Variants in CD36 observed in about 807,000 individuals in gnomAD.
CD36 encodes platelet glycoprotein 4.
A neutral mutation model predicts 55.2 loss-of-function variants in CD36; 119 were observed. The ratio of observed to expected loss-of-function variants is 2.15; its 90% confidence interval spans 1.86 to 2.51. The LOEUF (loss-of-function observed/expected upper bound fraction) is 2.51. CD36 is among the 30% of genes most tolerant of loss of function. The pLI is 0.00. For synonymous variants in CD36, 186 were observed against 193.6 expected, an observed-to-expected ratio of 0.96 and a Z score of 0.33; for missense variants, 819 against 555.5, an observed-to-expected ratio of 1.47 and a Z score of -4.77.
chr7:80,606,302 G>C (rs920905561), intron 1 of CD36, among the ~76,000 whole-genome samples: 7 of 151,920 alleles, frequency 4.6e-5, no homozygotes, highest in Non-Finnish European at 7.4e-5. Flanking sequence ...AAATTCTCAG[G>C]TAGGTAGTTT....
intron 13 of CD36, 71 bp downstream of exon 13, chr7:80,673,480 A>AAGAATGTATAGTATTTAAAGCTAT (rs1797934166): frequency 1.1e-6 from 1 of 871,680 alleles, no homozygotes; most frequent in Admixed American, 1.7e-5. Flanking sequence ...GATGTTTCAA[A>AAGAATGTATAGTATTTAAAGCTAT]AGAATGTATA....
chr7:80,608,066 T>C (rs2115729334), intron 1 of CD36, among the ~76,000 whole-genome samples: 1 of 152,210 alleles, frequency 6.6e-6, no homozygotes, highest in South Asian at 2.1e-4. Flanking sequence ...CATATAACCT[T>C]GTTAATGTGT....
chr7:80,607,765 T>A (rs900607636), intron 1 of CD36, among the ~76,000 whole-genome samples: 1 of 151,836 alleles, frequency 6.6e-6, no homozygotes, highest in Non-Finnish European at 1.5e-5. Context: ...AAACTCTTTT[T>A]GTTGTTGTTG....
At chr7:80,630,890 C>T (rs868100083) in intron 1 of CD36, among the ~76,000 whole-genome samples, 2 of 152,102 alleles carry the variant, frequency 1.3e-5, no homozygotes, top group East Asian at 3.9e-4. Context: ...TGGTTAACAA[C>T]AGGAGAATTG....
intron 11 of CD36, among the ~76,000 whole-genome samples, chr7:80,672,352 TTTAATCATCTTTA>T (rs1378907248): frequency 3.3e-5 from 5 of 151,870 alleles, no homozygotes; most frequent in Non-Finnish European, 5.9e-5. Flanking sequence ...GCGCAACAGT[TTTAATCATCTTTA>T]TTTTTGTATT....
chr7:80,640,140 CA>C (rs1303321779), intron 1 of CD36, among the ~76,000 whole-genome samples: 1 of 151,974 alleles, frequency 6.6e-6, no homozygotes, highest in Non-Finnish European at 1.5e-5. Context: ...TGCATCTAAT[CA>C]GAAGATGTTT....
intron 3 of CD36, among the ~76,000 whole-genome samples, chr7:80,654,715 C>T (rs188702867): frequency 4.5e-4 from 68 of 152,110 alleles, no homozygotes; most frequent in African/African-American, 1.5e-3. Flanking sequence ...CAATGTACCC[C>T]GTATAAGTGG....
intron 14 of CD36, among the ~76,000 whole-genome samples, chr7:80,674,716 C>T (rs936014232): frequency 2.0e-5 from 3 of 152,026 alleles, no homozygotes; most frequent in Non-Finnish European, 4.4e-5. Context: ...GAATGCCTGA[C>T]CTTTCCTAAA....
chr7:80,636,207 T>C (rs1244645027), upstream of CD36, among the ~76,000 whole-genome samples: 1 of 152,036 alleles, frequency 6.6e-6, no homozygotes, highest in Non-Finnish European at 1.5e-5. Context: ...GTGGGGGTGA[T>C]GAAATGGGGA....
chr7:80,670,218 A>G, intron 9 of CD36, 196 bp downstream of exon 9: 1 of 580,702 alleles, frequency 1.7e-6, no homozygotes, highest in East Asian at 2.9e-5. Context: ...AGCAAGAACC[A>G]TTTTGCCTTT....
chr7:80,625,528 C>T (rs2115972571), intron 1 of CD36, among the ~76,000 whole-genome samples: 1 of 152,250 alleles, frequency 6.6e-6, no homozygotes, highest in South Asian at 2.1e-4. Context: ...TTCAAAAAAT[C>T]ATAACCTTGC....
chr7:80,661,212 T>TG lies in CD36; in HGVS notation c.429+3dup, dbSNP rs777551390. ...ACAGTTCTCAATCTGGCTGTGGCAG[T>TG]GAGTAGACAAACAACAAAGTTATCT... On this transcript the variant is annotated splice_region_variant and intron_variant, in intron 5 of 14. Transcript: ENST00000447544. 2.9e-5 allele frequency: 47 copies of TG among 1,613,518 alleles called. No individual in the cohort carries two copies. In the East Asian group the frequency reaches 8.7e-4, roughly 30 times the overall value.
At chr7:80,661,925 G>A (rs1584421341) in intron 5 of CD36, among the ~76,000 whole-genome samples, 1 of 152,050 alleles carries the variant, frequency 6.6e-6, no homozygotes, top group Non-Finnish European at 1.5e-5. Flanking sequence ...GCCAACAGGG[G>A]GTGCCGTCCA....
rs917315104 is a variant in CD36, at chr7:80,647,940, T to G, written c.120+1080T>G. ...GAGGAATTGAATTTTTATTAAATTT[T>G]TATTGCTATATTGTTAGTATTTTTA... On this transcript the variant is annotated intron_variant, in intron 3 of 14. Transcript: ENST00000447544. Among the ~76,000 whole-genome samples the G allele has an allele frequency of 3.9e-5, 6 of 152,154 alleles. No individual in the cohort carries two copies. In the South Asian group the frequency reaches 1.2e-3, roughly 31 times the overall value.
intron 6 of CD36, 120 bp downstream of exon 6, chr7:80,663,289 A>G: frequency 1.2e-6 from 1 of 848,524 alleles, no homozygotes; most frequent in Non-Finnish European, 1.9e-6. Context: ...GGAGACATAT[A>G]TCCTAACTTT....
chr7:80,611,829 A>C (rs2115781455), intron 1 of CD36, among the ~76,000 whole-genome samples: 1 of 152,346 alleles, frequency 6.6e-6, no homozygotes, highest in African/African-American at 2.4e-5. Context: ...ATTGATAAAG[A>C]AGCAGAGTCA....
chr7:80,673,215 C>A, intron 12 of CD36, 140 bp from the exon 13 acceptor site: 2 of 534,784 alleles, frequency 3.7e-6, no homozygotes, highest in African/African-American at 1.9e-5. Context: ...TCAAAAACAA[C>A]TATATTAAAA....
chr7:80,664,286 CAGA>C lies in CD36; in HGVS notation c.610-119_610-117del, dbSNP rs1215301054. ...GCCAATAATTTAAAAAAATGTATTG[CAGA>C]TGTATTTCAAGTCATTTGAGTAACC... On this transcript the variant is annotated intron_variant, in intron 6 of 14. Transcript: ENST00000447544. 1.0e-5 allele frequency: 7 copies of C among 682,322 alleles called. No homozygotes were observed. In the African/African-American group the frequency reaches 1.1e-4, roughly 10 times the overall value. The allele number at this position is 682,322 out of a possible 1,614,324, so 42.3% of individuals were successfully genotyped here. A position where few individuals can be genotyped will look rare whatever the true frequency, so the allele number is the denominator to read the frequency against.
At chr7:80,606,255 A>G (rs926197684) in intron 1 of CD36, among the ~76,000 whole-genome samples, 1 of 151,982 alleles carries the variant, frequency 6.6e-6, no homozygotes, top group Non-Finnish European at 1.5e-5. Flanking sequence ...CTACTGTAAC[A>G]TAATACGTAG....
Sources: allele counts gnomAD v4.1 joint callset (sites outside exome capture counted in the v4.1 genomes callset), GRCh38; gene constraint gnomAD v4.1.1; transcripts MANE v1.5; gene names NCBI Gene and HGNC (gene_info 2026-07-23, HGNC 2026-07-21).